Variants in WDR59 observed in about 807,000 individuals in gnomAD.
The protein encoded by WDR59 is WD repeat domain 59, also known as GATOR2 complex protein WDR59.
WDR59 carries 100 observed loss-of-function variants against 131.2 expected under a neutral mutation model. That is an observed-to-expected ratio of 0.76 (90% CI 0.65 to 0.90). The LOEUF (loss-of-function observed/expected upper bound fraction) is 0.90, where lower values mean the gene tolerates loss of function less well. WDR59 is among the 40% of genes least tolerant of loss of function. The pLI, the probability that WDR59 is intolerant of heterozygous loss-of-function variation, is 0.00. For synonymous variants in WDR59, 601 were observed against 466.2 expected, an observed-to-expected ratio of 1.29 and a Z score of -3.72; for missense variants, 1,203 against 1,262.2, an observed-to-expected ratio of 0.95 and a Z score of 0.71.
At position 74,889,746 on chromosome 16, in the gene WDR59, G is replaced by C. The variant is rs772246388; in HGVS notation, c.2152C>G (p.Pro718Ala). ...GPKSDPDLET[P>A]WARHPFGRQL... The stretch of plus-strand genomic sequence containing the variant: ...CGCCCAAATGGATGTCGAGCCCAGG[G>C]TGTTTCCAAATCTGGGTCAGATTTC... Residue 718 changes from proline to alanine, a missense_variant, in exon 21 of 26, where the codon CCC becomes GCC. Transcript: ENST00000262144. 1 of 1,614,148 alleles carries C rather than the reference G, an allele frequency of 6.2e-7. No homozygotes were observed. The highest frequency in any genetic ancestry group is 1.1e-5 in the South Asian group (1 of 91,068).
At chr16:74,927,976 C>T (rs1388475928) in intron 8 of WDR59, among the ~76,000 whole-genome samples, 3 of 139,554 alleles carry the variant, frequency 2.1e-5, no homozygotes, top group South Asian at 2.3e-4. Context: ...AGCGCGATCT[C>T]GGCTCACTGC....
At chr16:74,965,892 G>T in intron 1 of WDR59, 70 bp from the exon 2 acceptor site, 2 of 1,552,168 alleles carry the variant, frequency 1.3e-6, no homozygotes, top group Non-Finnish European at 1.8e-6. Context: ...AGGTCTCTGT[G>T]GCTCTTCCTC....
chr16:74,953,781 C>T (rs2033135516), intron 3 of WDR59, among the ~76,000 whole-genome samples: 1 of 151,582 alleles, frequency 6.6e-6, no homozygotes, highest in Non-Finnish European at 1.5e-5. Context: ...GCAGGCGGAT[C>T]ATGAGGTGAG....
intron 25 of WDR59, among the ~76,000 whole-genome samples, chr16:74,875,196 G>A (rs920039962): frequency 2.0e-5 from 3 of 152,164 alleles, no homozygotes; most frequent in Non-Finnish European, 2.9e-5. Context: ...CCGGGATGCC[G>A]CTCCACCGCC....
At chr16:74,960,004 AT>A (rs1004402833) in intron 2 of WDR59, among the ~76,000 whole-genome samples, 5 of 150,958 alleles carry the variant, frequency 3.3e-5, no homozygotes, top group African/African-American at 7.3e-5. Context: ...AATAGTTGAA[AT>A]TTTTTTTTTA....
chr16:74,959,553 C>G (rs1027116366), intron 2 of WDR59: 2 of 452,202 alleles, frequency 4.4e-6, no homozygotes, highest in Non-Finnish European at 8.9e-6. Context: ...GCTTGAGGCC[C>G]GGAGTTAAGA....
intron 10 of WDR59, among the ~76,000 whole-genome samples, chr16:74,920,014 T>A (rs997293276): frequency 6.7e-6 from 1 of 148,570 alleles, no homozygotes; most frequent in African/African-American, 2.5e-5. Flanking sequence ...GAGGCTGCAG[T>A]GAGCCATGCT....
At chr16:74,885,184 G>C (rs1964693144) in intron 25 of WDR59, among the ~76,000 whole-genome samples, 2 of 152,098 alleles carry the variant, frequency 1.3e-5, no homozygotes, top group Admixed American at 1.3e-4. Flanking sequence ...CATGCGCCAT[G>C]GCTCACACCT....
At position 74,874,810 on chromosome 16, in the gene WDR59, C is replaced by G. The variant is rs574684849; in HGVS notation, c.2690-366G>C. 5.9e-5 allele frequency among the ~76,000 whole-genome samples: 9 copies of G among 152,272 alleles called. No homozygotes were observed. In the South Asian group the frequency reaches 1.7e-3, roughly 28 times the overall value. Reference sequence around the variant, plus strand: ...TTCGCCATGTTGGCCAGGCTGGTCTCGAACTCCTGACCTCAGGTGATCCAC... The same window carrying G: ...TTCGCCATGTTGGCCAGGCTGGTCTGGAACTCCTGACCTCAGGTGATCCAC... On this transcript the variant is annotated intron_variant, in intron 25 of 25. Transcript: ENST00000262144.
At chr16:74,909,969 G>GTTTT (rs35006526) in intron 14 of WDR59, 52 bp from the exon 15 acceptor site, 634 of 939,970 alleles carry the variant, frequency 6.7e-4, no homozygotes, top group South Asian at 1.9e-3. Flanking sequence ...TCTCTGATAG[G>GTTTT]TTTTTTTTTT....
chr16:74,899,354 G>A (rs990741246), intron 18 of WDR59, among the ~76,000 whole-genome samples: 7 of 152,170 alleles, frequency 4.6e-5, no homozygotes, highest in African/African-American at 1.7e-4. Flanking sequence ...CCAAAGGTAG[G>A]CTTTTGAAAG....
intron 8 of WDR59, among the ~76,000 whole-genome samples, chr16:74,928,111 T>C (rs1358523322): frequency 2.0e-5 from 3 of 151,816 alleles, no homozygotes; most frequent in Non-Finnish European, 4.4e-5. Flanking sequence ...TTTCACCATG[T>C]TGGCCAGGAT....
At chr16:74,887,300 G>A (rs1964814795) in intron 23 of WDR59, among the ~76,000 whole-genome samples, 1 of 151,806 alleles carries the variant, frequency 6.6e-6, no homozygotes, top group Non-Finnish European at 1.5e-5. Flanking sequence ...ACAGCTTTAT[G>A]ATCAACTGGA....
intron 24 of WDR59, 87 bp downstream of exon 24, chr16:74,886,183 A>C (rs1434270374): frequency 5.6e-6 from 8 of 1,440,202 alleles, no homozygotes. Flanking sequence ...TGTCCAAAAA[A>C]AAAAAAAGTA....
intron 23 of WDR59, among the ~76,000 whole-genome samples, chr16:74,887,399 A>C (rs752495536): frequency 6.6e-6 from 1 of 152,144 alleles, no homozygotes; most frequent in Non-Finnish European, 1.5e-5. Context: ...GTGAAGGAGA[A>C]AGGATAAGGG....
intron 9 of WDR59, among the ~76,000 whole-genome samples, chr16:74,922,628 C>G (rs990898802): frequency 6.6e-6 from 1 of 152,206 alleles, no homozygotes; most frequent in Non-Finnish European, 1.5e-5. Flanking sequence ...ACATGTTTTA[C>G]TTGGCAAAAC....
chr16:74,871,982 A>C lies in WDR59; in HGVS notation c.*2227T>G, dbSNP rs1247335480. The stretch of plus-strand genomic sequence containing the variant: ...CCCAGTAACACAGGGGACGAGGTAT[A>C]AGCTTCATCCAAAACAGTGTTGTGA... On this transcript the variant is annotated 3_prime_UTR_variant, in exon 26 of 26. Coordinates refer to ENST00000262144, the MANE Select transcript of WDR59 (RefSeq NM_030581.4). The C allele has an allele frequency of 1.3e-5, 2 of 152,252 alleles. No individual in the cohort carries two copies. The highest frequency in any genetic ancestry group is 2.9e-5 in the Non-Finnish European group (2 of 68,042). The allele number at this position is 152,252 out of a possible 1,614,324, so 9.4% of individuals were successfully genotyped here. A position where few individuals can be genotyped will look rare whatever the true frequency, so the allele number is the denominator to read the frequency against.
intron 4 of WDR59, among the ~76,000 whole-genome samples, chr16:74,950,653 A>G (rs1349114546): frequency 6.6e-5 from 10 of 152,176 alleles, no homozygotes; most frequent in African/African-American, 2.4e-4. Context: ...CCAGGGAAAG[A>G]GTGGATCAAG....
intron 22 of WDR59, 120 bp from the exon 23 acceptor site, chr16:74,887,875 T>C (rs1410626076): frequency 2.8e-6 from 3 of 1,069,578 alleles, no homozygotes; most frequent in Non-Finnish European, 4.1e-6. Flanking sequence ...CCTAGCAGTT[T>C]GGGAGGCCAA....
Sources: gnomAD v4.1 joint callset for allele counts (sites outside exome capture counted in the v4.1 genomes callset) on GRCh38, gnomAD v4.1.1 for gene constraint, MANE v1.5 for transcripts, NCBI Gene and HGNC (gene_info 2026-07-23, HGNC 2026-07-21) for gene names.